Variants in PLAGL1 observed in about 807,000 individuals in gnomAD.
PLAGL1 encodes PLAG1 like zinc finger 1.
PLAGL1 carries 1 observed loss-of-function variant against 4.6 expected under a neutral mutation model. That is an observed-to-expected ratio of 0.22 (90% CI 0.08 to 1.03). The LOEUF (loss-of-function observed/expected upper bound fraction) is 1.03. Ranked by LOEUF, PLAGL1 falls within the 50% of genes least tolerant of loss-of-function variation. The probability of loss-of-function intolerance (pLI) is 0.58; values close to 1 mark genes in which losing one functional copy is unlikely to be tolerated. For missense variants in PLAGL1, 464 were observed against 570.4 expected (o/e 0.81, Z 1.90); for synonymous variants, 240 against 237.8 (o/e 1.01, Z -0.08).
In PLAGL1 at chr6:143,967,388, AAGTC is replaced by A. The variant is rs1367673892; in HGVS notation, c.-471-1194_-471-1191del. ...TGGAGTAATATATATATATAATGGA[AAGTC>A]AGAGTATAAATAATGGATTCACTTC... On this transcript the variant is annotated intron_variant, in intron 3 of 7. Coordinates refer to ENST00000674357, the MANE Select transcript of PLAGL1 (RefSeq NM_001317162.2). 4 of 152,270 alleles carry A rather than the reference AAGTC, an allele frequency of 2.6e-5. No homozygotes were observed. In the East Asian group the frequency reaches 7.7e-4, roughly 29 times the overall value. 9.4% of individuals were successfully genotyped at this position (152,270 alleles called of 1,614,324 possible).
chr6:144,010,741 T>C (rs1162922033), upstream of PLAGL1, among the ~76,000 whole-genome samples: 1 of 152,226 alleles, frequency 6.6e-6, no homozygotes, highest in Non-Finnish European at 1.5e-5. The surrounding 1 kb of genome is among the most constrained non-coding windows in gnomAD (Gnocchi z 4.1). Flanking sequence ...TGCATGGTAC[T>C]GGTACCAAAA....
At position 143,966,154 on chromosome 6, in the gene PLAGL1, T is replaced by C. The variant is rs1252108019; in HGVS notation, c.-431+4A>G. On this transcript the variant is annotated splice_donor_region_variant and intron_variant, in intron 4 of 7. Coordinates refer to ENST00000674357, the MANE Select transcript of PLAGL1 (RefSeq NM_001317162.2). The surrounding 1 kb of genome is among the most constrained non-coding windows in gnomAD (Gnocchi z 6.0). Reference sequence around the variant, plus strand: ...TAACATGCAAATATGTTCCTGTCACTTGCCTGTTTGGAATTCTTCAATGGT... The same window carrying C: ...TAACATGCAAATATGTTCCTGTCACCTGCCTGTTTGGAATTCTTCAATGGT... The C allele has an allele frequency of 6.6e-6, 1 of 152,210 alleles. No individual in the cohort carries two copies. Among genetic ancestry groups the C allele is most frequent in the African/African-American group, 2.4e-5 (1 of 41,442 alleles). 9.4% of individuals were successfully genotyped at this position (152,210 alleles called of 1,614,324 possible).
upstream of PLAGL1, among the ~76,000 whole-genome samples, chr6:144,009,818 T>C (rs1795014893): frequency 6.6e-6 from 1 of 152,218 alleles, no homozygotes; most frequent in African/African-American, 2.4e-5. Flanking sequence ...GGTTTCCAGC[T>C]TCATCCATGT....
At chr6:144,007,870 G>A (rs951630420) in intron 1 of PLAGL1, 2 of 152,198 alleles carry the variant, frequency 1.3e-5, no homozygotes, top group Non-Finnish European at 2.9e-5. Flanking sequence ...CGGCGTCCAG[G>A]GGGTCCGGCG....
Position 143,955,370 on chromosome 6 carries a change from G to T in PLAGL1, c.-325+5099C>A, listed in dbSNP as rs534067202. On this transcript the variant is annotated intron_variant, in intron 6 of 7. Coordinates refer to ENST00000674357, the MANE Select transcript of PLAGL1 (RefSeq NM_001317162.2). This position sits in a 1 kb window ranked among gnomAD's most constrained non-coding sequence, Gnocchi z 4.9. ...AAACAGGCTAGAGAGATGGAGAATC[G>T]TGAAGGGTCCACTCTACAAGGGGAA... Among the ~76,000 whole-genome samples the T allele has an allele frequency of 1.3e-5, 2 of 152,210 alleles. No individual in the cohort carries two copies. The highest frequency in any genetic ancestry group is 6.5e-5 in the Admixed American group (1 of 15,276).
rs1799558278 is a variant in PLAGL1, at chr6:144,063,175, T to C, written c.-151+1293A>G. ...CTTGCAGAACCAAAGAATGAATTTA[T>C]TTGTTGCAACCTGCACCGGAACTTT... On this transcript the variant is annotated intron_variant, in intron 1 of 3. Coordinates refer to the PLAGL1 transcript ENST00000437412. This position sits in a 1 kb window ranked among gnomAD's most constrained non-coding sequence, Gnocchi z 5.7. Among the ~76,000 whole-genome samples the C allele has an allele frequency of 1.3e-5, 2 of 152,240 alleles. No homozygotes were observed. The highest frequency in any genetic ancestry group is 4.1e-4 in the South Asian group (2 of 4,836).
In PLAGL1 at chr6:143,961,450, T is replaced by A. The variant is rs1783359547; in HGVS notation, c.-398-908A>T. ...CTTCTGTGAATTTGATCAAAAAGGC[T>A]ATGTCCATTTATTTTGTATGAGAAC... is the stretch of plus-strand genomic sequence containing the variant. On this transcript the variant is annotated intron_variant, in intron 5 of 7. Coordinates refer to ENST00000674357, the MANE Select transcript of PLAGL1 (RefSeq NM_001317162.2). The surrounding 1 kb of genome is among the most constrained non-coding windows in gnomAD (Gnocchi z 6.5). The A allele has an allele frequency of 6.6e-6, 1 of 152,244 alleles. No individual in the cohort carries two copies. The highest frequency in any genetic ancestry group is 1.5e-5 in the Non-Finnish European group (1 of 68,046). The allele number at this position is 152,244 out of a possible 1,614,324, so 9.4% of individuals were successfully genotyped here.
chr6:143,955,825 G>A lies in PLAGL1; in HGVS notation c.-325+4644C>T, dbSNP rs1447543249. On this transcript the variant is annotated intron_variant, in intron 6 of 7. Coordinates refer to ENST00000674357, the MANE Select transcript of PLAGL1 (RefSeq NM_001317162.2). This position sits in a 1 kb window ranked among gnomAD's most constrained non-coding sequence, Gnocchi z 4.9. ...CCAGATCTCAGAAGAGAGAACACAG[G>A]CCTGCACAAGGAGAGAGGGCAGGTT... 6.6e-6 allele frequency among the ~76,000 whole-genome samples: 1 copy of A among 152,142 alleles called. No individual in the cohort carries two copies. Among genetic ancestry groups the A allele is most frequent in the Non-Finnish European group, 1.5e-5 (1 of 68,028 alleles).
chr6:144,027,258 AG>A lies in PLAGL1; in HGVS notation c.-151+37209del, dbSNP rs1796429030. Among the ~76,000 whole-genome samples, 1 of 144,842 alleles carries A rather than the reference AG, an allele frequency of 6.9e-6. No homozygotes were observed. Among genetic ancestry groups the A allele is most frequent in the Non-Finnish European group, 1.5e-5 (1 of 65,792 alleles). Reference sequence around the variant, plus strand: ...ACGAAAGAAAGAAAGAAAGAAAGAAAGAAAGAAAGAAAGAAAGAAAGAAAGA... The same window carrying A: ...ACGAAAGAAAGAAAGAAAGAAAGAAAAAAGAAAGAAAGAAAGAAAGAAAGA... On this transcript the variant is annotated intron_variant, in intron 1 of 3. Coordinates refer to the PLAGL1 transcript ENST00000437412. This position sits in a 1 kb window ranked among gnomAD's most constrained non-coding sequence, Gnocchi z 5.8.
At chr6:144,010,545 A>T (rs1795102258), upstream of PLAGL1, among the ~76,000 whole-genome samples, 1 of 152,218 alleles carries the variant, frequency 6.6e-6, no homozygotes, top group Non-Finnish European at 1.5e-5. The surrounding 1 kb of genome is among the most constrained non-coding windows in gnomAD (Gnocchi z 4.1). Context: ...TAATTTATAG[A>T]TTCAATGCTA....
At position 144,022,508 on chromosome 6, in the gene PLAGL1, T is replaced by A. The variant is rs185022596; in HGVS notation, c.-151+41960A>T. 5.8e-4 allele frequency among the ~76,000 whole-genome samples: 89 copies of A among 152,338 alleles called. No individual in the cohort carries two copies. Among genetic ancestry groups the A allele is most frequent in the African/African-American group, 2.0e-3 (82 of 41,576 alleles). On this transcript the variant is annotated intron_variant, in intron 1 of 3. Transcript: ENST00000437412. The surrounding 1 kb of genome is among the most constrained non-coding windows in gnomAD (Gnocchi z 4.2). The stretch of plus-strand genomic sequence containing the variant: ...ACAAAGCTAAACATAGTGATATGGT[T>A]TGGCTATTTCCCTACCCAAATCTCA...
rs1395176834 is a variant in PLAGL1, at chr6:144,004,186, T to A, written c.-584+3904A>T. Among the ~76,000 whole-genome samples the A allele has an allele frequency of 3.3e-4, 2 of 6,064 alleles. No individual in the cohort carries two copies. Among genetic ancestry groups the A allele is most frequent in the Non-Finnish European group, 9.6e-4 (2 of 2,090 alleles). 4.0% of individuals were successfully genotyped at this position (6,064 alleles called of 152,430 possible). On this transcript the variant is annotated intron_variant, in intron 1 of 7. Coordinates refer to ENST00000674357, the MANE Select transcript of PLAGL1 (RefSeq NM_001317162.2). This position sits in a 1 kb window ranked among gnomAD's most constrained non-coding sequence, Gnocchi z 4.2. ...ATGGGGATAACTATGTTCCAGTAAT[T>A]TTTTTTTTTTTTAAGATGGGGTCAT... is the stretch of plus-strand genomic sequence containing the variant.
chr6:144,031,749 A>G (rs538087236), intron 1 of PLAGL1, among the ~76,000 whole-genome samples: 13 of 152,242 alleles, frequency 8.5e-5, no homozygotes, highest in Admixed American at 8.5e-4. Flanking sequence ...TTTGGTGACT[A>G]TGGCCTTAGA....
At chr6:144,058,478 C>G (rs759512750) in intron 1 of PLAGL1, among the ~76,000 whole-genome samples, 7 of 152,174 alleles carry the variant, frequency 4.6e-5, no homozygotes, top group Non-Finnish European at 8.8e-5. Context: ...TCTCACATTA[C>G]AAAGTGCAAT....
chr6:143,943,075 G>A (rs1176401432), intron 7 of PLAGL1, among the ~76,000 whole-genome samples: 3 of 114,630 alleles, frequency 2.6e-5, no homozygotes, highest in East Asian at 2.9e-4. Flanking sequence ...CTATACCCAC[G>A]CTGGTCTCAA....
chr6:143,953,938 G>T lies in PLAGL1; in HGVS notation c.-324-5478C>A, dbSNP rs1781565356. Among the ~76,000 whole-genome samples the T allele has an allele frequency of 6.6e-6, 1 of 152,194 alleles. No individual in the cohort carries two copies. Among genetic ancestry groups the T allele is most frequent in the South Asian group, 2.1e-4 (1 of 4,826 alleles). Reference sequence around the variant, plus strand: ...CTCCTGACCTCTCCTGATGCCTGCAGTGGGGTGCCTGCCCTTCCTTCCCCT... The same window carrying T: ...CTCCTGACCTCTCCTGATGCCTGCATTGGGGTGCCTGCCCTTCCTTCCCCT... On this transcript the variant is annotated intron_variant, in intron 6 of 7. Coordinates refer to ENST00000674357, the MANE Select transcript of PLAGL1 (RefSeq NM_001317162.2). This position sits in a 1 kb window ranked among gnomAD's most constrained non-coding sequence, Gnocchi z 5.3.
At chr6:143,974,061 G>A (rs1018922507) in intron 2 of PLAGL1, among the ~76,000 whole-genome samples, 2 of 152,178 alleles carry the variant, frequency 1.3e-5, no homozygotes, top group Non-Finnish European at 2.9e-5. Context: ...AGAGGAGAGA[G>A]CAAGAGGGAC....
rs1016080899 is a variant in PLAGL1 at position 144,015,398 on chromosome 6, A to G, written c.-150-46420T>C. 1.3e-5 allele frequency among the ~76,000 whole-genome samples: 2 copies of G among 152,212 alleles called. No individual in the cohort carries two copies. Among genetic ancestry groups the G allele is most frequent in the African/African-American group, 4.8e-5 (2 of 41,452 alleles). On this transcript the variant is annotated intron_variant, in intron 1 of 3. Coordinates refer to the PLAGL1 transcript ENST00000437412. The surrounding 1 kb of genome is among the most constrained non-coding windows in gnomAD (Gnocchi z 4.3). ...GCAGAGACTGGCTGGACAGGACACA[A>G]GAAGCAATGACCCTAAAAGAATAAA...
upstream of PLAGL1, among the ~76,000 whole-genome samples, chr6:144,012,181 G>T (rs937458342): frequency 1.3e-5 from 2 of 152,040 alleles, no homozygotes; most frequent in Non-Finnish European, 1.5e-5. The surrounding 1 kb of genome is among the most constrained non-coding windows in gnomAD (Gnocchi z 4.8). Context: ...CAGCATGTAA[G>T]TTTTTTGTTG....
Sources: allele counts gnomAD v4.1 joint callset (sites outside exome capture counted in the v4.1 genomes callset), GRCh38; gene constraint gnomAD v4.1.1; non-coding constraint Gnocchi (gnomAD v3.1); transcripts MANE v1.5; gene names NCBI Gene and HGNC (gene_info 2026-07-23, HGNC 2026-07-21).